Variants in TPD52 observed in about 807,000 individuals in gnomAD.
TPD52 encodes tumor protein D52, also known as prostate and colon associated protein.
Under a neutral mutation model 31.3 loss-of-function variants are expected in TPD52, and 17 were observed. That is an observed-to-expected ratio of 0.54 (90% CI 0.37 to 0.82). TPD52 has a LOEUF of 0.82. TPD52 is among the 40% of genes least tolerant of loss of function. The pLI is 0.00. For missense variants in TPD52, 212 were observed against 240.1 expected (o/e 0.88, Z 0.77); for synonymous variants, 83 against 89.6 (o/e 0.93, Z 0.42).
intron 1 of TPD52, among the ~76,000 whole-genome samples, chr8:80,170,081 A>T (rs1205124572): frequency 6.6e-6 from 1 of 152,230 alleles, no homozygotes; most frequent in African/African-American, 2.4e-5. Flanking sequence ...GCGAGGAAAG[A>T]GCTGAAAGAC....
At chr8:80,141,761 T>C (rs1809843421) in intron 1 of TPD52, among the ~76,000 whole-genome samples, 1 of 151,818 alleles carries the variant, frequency 6.6e-6, no homozygotes, top group Non-Finnish European at 1.5e-5. Context: ...AATACAAAAA[T>C]TAGCTGGGCA....
intron 1 of TPD52, among the ~76,000 whole-genome samples, chr8:80,106,207 G>A (rs1400122123): frequency 6.6e-6 from 1 of 152,096 alleles, no homozygotes; most frequent in Admixed American, 6.5e-5. Context: ...GAAGAATGGG[G>A]TGTCCATCCC....
chr8:80,046,392 C>T (rs1271177574), intron 5 of TPD52, among the ~76,000 whole-genome samples: 1 of 152,142 alleles, frequency 6.6e-6, no homozygotes, highest in Non-Finnish European at 1.5e-5. Context: ...TTGCTGGATC[C>T]TCCCCATAAT....
chr8:80,138,950 G>A (rs186787229), intron 1 of TPD52, among the ~76,000 whole-genome samples: 21 of 152,222 alleles, frequency 1.4e-4, no homozygotes, highest in South Asian at 8.3e-4. Flanking sequence ...CAGCCCCTCC[G>A]ACCCAGAGCC....
chr8:80,067,985 G>A (rs1318840266), intron 1 of TPD52, among the ~76,000 whole-genome samples: 1 of 151,678 alleles, frequency 6.6e-6, no homozygotes, highest in Non-Finnish European at 1.5e-5. Flanking sequence ...CATGAAAGGT[G>A]GAAAATAAGA....
downstream of TPD52, among the ~76,000 whole-genome samples, chr8:80,033,777 T>C (rs1214433863): frequency 6.6e-6 from 1 of 152,166 alleles, no homozygotes; most frequent in Non-Finnish European, 1.5e-5. Context: ...AGGCAGGTTG[T>C]CCTGATGAGT....
chr8:80,098,432 T>C (rs1806488249), intron 1 of TPD52, among the ~76,000 whole-genome samples: 1 of 152,208 alleles, frequency 6.6e-6, no homozygotes, highest in African/African-American at 2.4e-5. Flanking sequence ...AAACATAGCA[T>C]AACAGGAGTT....
chr8:80,045,373 T>G (rs562575950), intron 5 of TPD52, among the ~76,000 whole-genome samples: 1 of 152,216 alleles, frequency 6.6e-6, no homozygotes, highest in East Asian at 1.9e-4. Flanking sequence ...ATAACTGATA[T>G]GATAGGTGGA....
intron 1 of TPD52, among the ~76,000 whole-genome samples, chr8:80,138,414 T>G (rs1047251182): frequency 9.2e-5 from 14 of 152,168 alleles, no homozygotes; most frequent in Non-Finnish European, 2.1e-4. Context: ...TCATATCATT[T>G]AGTCGTCTCC....
At chr8:80,137,573 C>T (rs528344422) in intron 1 of TPD52, among the ~76,000 whole-genome samples, 1 of 152,098 alleles carries the variant, frequency 6.6e-6, no homozygotes, top group Admixed American at 6.5e-5. Context: ...TCATAACAGC[C>T]GCTCTGGGAG....
At chr8:80,169,568 T>A (rs1010159181) in intron 1 of TPD52, among the ~76,000 whole-genome samples, 1 of 152,224 alleles carries the variant, frequency 6.6e-6, no homozygotes, top group Non-Finnish European at 1.5e-5. Context: ...CAAACACTAC[T>A]AAAACTAGTT....
chr8:80,059,747 A>G (rs1295029316), intron 2 of TPD52, among the ~76,000 whole-genome samples: 1 of 101,582 alleles, frequency 9.8e-6, no homozygotes, highest in Non-Finnish European at 2.3e-5. Flanking sequence ...CCAGCTATTC[A>G]GGAGGCTGAG....
At chr8:80,139,242 T>C (rs982762761) in intron 1 of TPD52, among the ~76,000 whole-genome samples, 2 of 152,222 alleles carry the variant, frequency 1.3e-5, no homozygotes, top group African/African-American at 4.8e-5. Context: ...TTGTTTCTAA[T>C]AGCAGCTTGA....
intron 1 of TPD52, among the ~76,000 whole-genome samples, chr8:80,087,135 C>CT (rs912655496): frequency 4.0e-5 from 6 of 151,492 alleles, no homozygotes; most frequent in Admixed American, 1.3e-4. Flanking sequence ...TGCAGGTGTC[C>CT]TTTTTTTTTC....
At chr8:80,031,113 GTCTA>G (rs1809683170), downstream of TPD52, among the ~76,000 whole-genome samples, 1 of 152,116 alleles carries the variant, frequency 6.6e-6, no homozygotes, top group Non-Finnish European at 1.5e-5. Context: ...TTAGTTGTCC[GTCTA>G]TCTTTGACCC....
At chr8:80,151,180 C>T (rs899611872) in intron 1 of TPD52, among the ~76,000 whole-genome samples, 12 of 152,164 alleles carry the variant, frequency 7.9e-5, no homozygotes, top group African/African-American at 2.9e-4. Flanking sequence ...TCTTGCCTGT[C>T]ACCATGTAAG....
intron 1 of TPD52, among the ~76,000 whole-genome samples, chr8:80,086,489 G>A (rs1344578519): frequency 6.6e-6 from 1 of 152,024 alleles, no homozygotes; most frequent in African/African-American, 2.4e-5. Flanking sequence ...GACAAAGACT[G>A]TGAAAATCCA....
intron 1 of TPD52, among the ~76,000 whole-genome samples, chr8:80,130,318 A>T (rs1312104050): frequency 6.6e-6 from 1 of 152,132 alleles, no homozygotes; most frequent in African/African-American, 2.4e-5. Flanking sequence ...TGCAGACAAA[A>T]CCCAAATTAT....
chr8:80,145,017 A>G (rs965718689), intron 1 of TPD52, among the ~76,000 whole-genome samples: 5 of 152,218 alleles, frequency 3.3e-5, no homozygotes, highest in Non-Finnish European at 5.9e-5. Context: ...TCTACACACC[A>G]CATGAGGTTC....
Sources: allele counts gnomAD v4.1 joint callset (sites outside exome capture counted in the v4.1 genomes callset), GRCh38; gene constraint gnomAD v4.1.1; transcripts MANE v1.5; gene names NCBI Gene and HGNC (gene_info 2026-07-23, HGNC 2026-07-21).